Variants in SCRT2 observed in about 807,000 individuals in gnomAD.
SCRT2 encodes the protein scratch family transcriptional repressor 2.
Under a neutral mutation model 3.7 loss-of-function variants are expected in SCRT2, and 2 were observed. The ratio of observed to expected loss-of-function variants is 0.54; its 90% CI spans 0.22 to 1.70. SCRT2 has a LOEUF of 1.70. Ranked by LOEUF, SCRT2 falls within the 40% of genes most tolerant of loss-of-function variation. The pLI, the probability that SCRT2 is intolerant of heterozygous loss-of-function variation, is 0.19. For missense variants in SCRT2, 456 were observed against 468.5 expected, an observed-to-expected ratio of 0.97 and a Z score of 0.25; for synonymous variants, 256 against 220.6, an observed-to-expected ratio of 1.16 and a Z score of -1.42.
Position 662,628 on chromosome 20 carries a change from A to G in SCRT2, c.*1043T>C, listed in dbSNP as rs1414301308. The G allele has an allele frequency of 6.6e-6, 1 of 152,486 alleles. No homozygotes were observed. The highest frequency in any genetic ancestry group is 1.5e-5 in the Non-Finnish European group (1 of 68,062). 9.4% of individuals were successfully genotyped at this position (152,486 alleles called of 1,614,324 possible). On this transcript the variant is annotated 3_prime_UTR_variant, in exon 2 of 2. Coordinates refer to ENST00000246104, the MANE Select transcript of SCRT2 (RefSeq NM_033129.4). ...GGCCAAGAGATTAAATAGAATAATA[A>G]ATAGATAAATAAATAAATACACAAA...
intron 1 of SCRT2, among the ~76,000 whole-genome samples, chr20:673,683 T>C (rs1984418097): frequency 1.3e-5 from 2 of 152,208 alleles, no homozygotes; most frequent in Non-Finnish European, 2.9e-5. Context: ...TTCAAAGCTT[T>C]TTTTTGGACT....
chr20:671,597 G>A (rs1295151019), intron 1 of SCRT2, among the ~76,000 whole-genome samples: 1 of 152,216 alleles, frequency 6.6e-6, no homozygotes, highest in Non-Finnish European at 1.5e-5. Context: ...CATTGGGCCG[G>A]GCTCCCGGGC....
chr20:672,358 G>A (rs945191456), intron 1 of SCRT2, among the ~76,000 whole-genome samples: 2 of 151,776 alleles, frequency 1.3e-5, no homozygotes, highest in Non-Finnish European at 2.9e-5. Flanking sequence ...GAGGCTGAAA[G>A]GGAGTAGGAA....
rs910620160 is a variant in SCRT2, at chr20:666,721, G to T, written c.134-2260C>A. 2.0e-5 allele frequency among the ~76,000 whole-genome samples: 3 copies of T among 152,196 alleles called. No homozygotes were observed. Among genetic ancestry groups the T allele is most frequent in the Non-Finnish European group, 4.4e-5 (3 of 68,032 alleles). ...TAGTGGGCACTTAATAAGTATTTGT[G>T]GAATGAGTGATGATGATTTGCGAGG... On this transcript the variant is annotated intron_variant, in intron 1 of 1. Transcript: ENST00000246104. The surrounding 1 kb of genome is among the most constrained non-coding windows in gnomAD (Gnocchi z 4.4).
At chr20:671,769 T>C (rs544681485) in intron 1 of SCRT2, among the ~76,000 whole-genome samples, 2 of 152,184 alleles carry the variant, frequency 1.3e-5, no homozygotes, top group Non-Finnish European at 2.9e-5. Flanking sequence ...ACTGTGTTAT[T>C]GGATTGGCAT....
chr20:663,447 C>T lies in SCRT2; in HGVS notation c.*224G>A. On this transcript the variant is annotated 3_prime_UTR_variant, in exon 2 of 2. Coordinates refer to ENST00000246104, the MANE Select transcript of SCRT2 (RefSeq NM_033129.4). This position sits in a 1 kb window ranked among gnomAD's most constrained non-coding sequence, Gnocchi z 6.9. Reference sequence around the variant, plus strand: ...AGGGGGGTCAAGGTCCGAGGGATGGCCGGAAAGGATGAAGTGGGTCGGGGG... The same window carrying T: ...AGGGGGGTCAAGGTCCGAGGGATGGTCGGAAAGGATGAAGTGGGTCGGGGG... 2.5e-6 allele frequency: 1 copy of T among 402,670 alleles called. No individual in the cohort carries two copies. Among genetic ancestry groups the T allele is most frequent in the Non-Finnish European group, 4.2e-6 (1 of 236,530 alleles). The allele number at this position is 402,670 out of a possible 1,614,324, so 24.9% of individuals were successfully genotyped here.
In SCRT2 at chr20:665,856, C is replaced by T. The variant is rs1051711838; in HGVS notation, c.134-1395G>A. The stretch of plus-strand genomic sequence containing the variant: ...TAACCACTCCTCCTTCCCTCCTCCC[C>T]TAGCCTCCTTCACTGAAGTGAGCAG... On this transcript the variant is annotated intron_variant, in intron 1 of 1. Transcript: ENST00000246104. The surrounding 1 kb of genome is among the most constrained non-coding windows in gnomAD (Gnocchi z 5.0). Among the ~76,000 whole-genome samples the T allele has an allele frequency of 6.6e-5, 10 of 152,202 alleles. No individual in the cohort carries two copies. The highest frequency in any genetic ancestry group is 2.4e-4 in the African/African-American group (10 of 41,450).
At position 662,507 on chromosome 20, in the gene SCRT2, G is replaced by C. The variant is rs1983989855; in HGVS notation, c.*1164C>G. 6.6e-6 allele frequency: 1 copy of C among 152,564 alleles called. No homozygotes were observed. The highest frequency in any genetic ancestry group is 2.4e-5 in the African/African-American group (1 of 41,586). The allele number at this position is 152,564 out of a possible 1,614,324, so 9.5% of individuals were successfully genotyped here. Reference sequence around the variant, plus strand: ...TCTCCCGAGACGCGGGGGTGTGTGTGGTGGGGGCAGCCCTCTGTGGCCTGT... The same window carrying C: ...TCTCCCGAGACGCGGGGGTGTGTGTCGTGGGGGCAGCCCTCTGTGGCCTGT... On this transcript the variant is annotated 3_prime_UTR_variant, in exon 2 of 2. Coordinates refer to ENST00000246104, the MANE Select transcript of SCRT2 (RefSeq NM_033129.4).
chr20:664,414 T>G lies in SCRT2; in HGVS notation c.181A>C (p.Lys61Gln). 1 of 1,359,026 alleles carries G rather than the reference T, an allele frequency of 7.4e-7. No homozygotes were observed. The highest frequency in any genetic ancestry group is 9.6e-7 in the Non-Finnish European group (1 of 1,045,242). 84.2% of individuals were successfully genotyped at this position (1,359,026 alleles called of 1,614,324 possible). A position where few individuals can be genotyped will look rare whatever the true frequency, so the allele number is the denominator to read the frequency against. Residue 61 changes from lysine to glutamine, a missense_variant, in exon 2 of 2, where the codon AAG becomes CAG. By Grantham distance (53) the Lys-to-Gln change is moderately conservative (BLOSUM62 1). This residue lies in a region of SCRT2 where 306 missense variants were observed against 305.3 expected (regional missense o/e 1.00). Transcript: ENST00000246104. The surrounding 1 kb of genome is among the most constrained non-coding windows in gnomAD (Gnocchi z 7.9). The stretch of plus-strand genomic sequence containing the variant: ...GCCGGGGCCAGCTCCAGGCCCGGCT[T>G]CTGGTCCGCATCGTAGCTGCTCGGG... Reference protein sequence around the residue: ...LPPSSYDADQKPGLELAPAEP... With the variant: ...LPPSSYDADQQPGLELAPAEP...
At chr20:673,662 C>G (rs545880555) in intron 1 of SCRT2, among the ~76,000 whole-genome samples, 2 of 152,194 alleles carry the variant, frequency 1.3e-5, no homozygotes, top group Non-Finnish European at 2.9e-5. Context: ...ACTATTCACT[C>G]AGGGGCTCCT....
chr20:674,393 TCTCTCTCACACACACACA>T (rs1309111301), intron 1 of SCRT2, among the ~76,000 whole-genome samples: 1 of 98,556 alleles, frequency 1.0e-5, no homozygotes, highest in African/African-American at 3.6e-5. Context: ...TCTCTCTCTC[TCTCTCTCACACACACACA>T]CACACACACA....
Position 675,665 on chromosome 20 carries a change from C to G in SCRT2, c.-64G>C. On this transcript the variant is annotated 5_prime_UTR_variant, in exon 1 of 2. Transcript: ENST00000246104. This position sits in a 1 kb window ranked among gnomAD's most constrained non-coding sequence, Gnocchi z 6.9. ...GGCCGGGCGCGATCGGCTGTGTCCG[C>G]GCGGGTTTTCAGCACTGGACAGCTC... 1.7e-6 allele frequency: 2 copies of G among 1,190,102 alleles called. No homozygotes were observed. The highest frequency in any genetic ancestry group is 7.7e-5 in the South Asian group (2 of 25,844). The allele number at this position is 1,190,102 out of a possible 1,614,324, so 73.7% of individuals were successfully genotyped here. A position where few individuals can be genotyped will look rare whatever the true frequency, so the allele number is the denominator to read the frequency against.
chr20:670,842 C>T (rs1984309410), intron 1 of SCRT2, among the ~76,000 whole-genome samples: 1 of 152,204 alleles, frequency 6.6e-6, no homozygotes, highest in African/African-American at 2.4e-5. Flanking sequence ...TAGAGGAAAT[C>T]AGGGGTTCCC....
rs981253489 is a variant in SCRT2, at chr20:666,239, G to A, written c.134-1778C>T. Among the ~76,000 whole-genome samples the A allele has an allele frequency of 1.3e-5, 2 of 151,980 alleles. No individual in the cohort carries two copies. Among genetic ancestry groups the A allele is most frequent in the South Asian group, 2.1e-4 (1 of 4,808 alleles). Reference sequence around the variant, plus strand: ...GGGAGAGGAGATGCCCAGCCTCTCCGCACCCTATGTCTCCCGTCCCATCTG... The same window carrying A: ...GGGAGAGGAGATGCCCAGCCTCTCCACACCCTATGTCTCCCGTCCCATCTG... On this transcript the variant is annotated intron_variant, in intron 1 of 1. Coordinates refer to ENST00000246104, the MANE Select transcript of SCRT2 (RefSeq NM_033129.4). The surrounding 1 kb of genome is among the most constrained non-coding windows in gnomAD (Gnocchi z 4.4).
rs1984509551 is a variant in SCRT2 at position 675,575 on chromosome 20, C to G, written c.27G>C (p.Lys9Asn). Reference sequence around the variant, plus strand: ...TGCACTGGAAGCCGTCCCCTTTGATCTTCTTTACCAGGAAGGAGCGCGGCA... The same window carrying G: ...TGCACTGGAAGCCGTCCCCTTTGATGTTCTTTACCAGGAAGGAGCGCGGCA... Reference protein sequence around the residue: MPRSFLVKKIKGDGFQCSG... With the variant: MPRSFLVKNIKGDGFQCSG... The change falls in exon 1 of 2, where the codon AAG (lysine) becomes AAC (asparagine). Residue 9 changes from lysine (K) to asparagine (N), a missense_variant. Lys to Asn is a moderately conservative substitution (Grantham distance 94). Around this residue, in one of 3 missense-constraint regions of SCRT2, gnomAD observed 306 missense variants for 305.3 expected, o/e 1.00. Coordinates refer to ENST00000246104, the MANE Select transcript of SCRT2 (RefSeq NM_033129.4). This position sits in a 1 kb window ranked among gnomAD's most constrained non-coding sequence, Gnocchi z 6.9. 2 of 1,345,206 alleles carry G rather than the reference C, an allele frequency of 1.5e-6. No homozygotes were observed. Among genetic ancestry groups the G allele is most frequent in the Non-Finnish European group, 1.9e-6 (2 of 1,043,206 alleles). 83.3% of individuals were successfully genotyped at this position (1,345,206 alleles called of 1,614,324 possible).
chr20:675,774 G>GCGA lies in SCRT2; in HGVS notation c.-174_-173insTCG, dbSNP rs2122366999. The GCGA allele has an allele frequency of 3.8e-6, 1 of 260,200 alleles. No individual in the cohort carries two copies. Among genetic ancestry groups the GCGA allele is most frequent in the Non-Finnish European group, 6.8e-6 (1 of 146,778 alleles). 16.1% of individuals were successfully genotyped at this position (260,200 alleles called of 1,614,324 possible). ...CTCGGGCTCGGGCTTGGCGGCGGCG[G>GCGA]CGCGCAGACAGGGGATCGCGGGAGC... On this transcript the variant is annotated 5_prime_UTR_variant, in exon 1 of 2. Coordinates refer to ENST00000246104, the MANE Select transcript of SCRT2 (RefSeq NM_033129.4). The surrounding 1 kb of genome is among the most constrained non-coding windows in gnomAD (Gnocchi z 6.9).
chr20:673,748 T>G (rs1984419499), intron 1 of SCRT2, among the ~76,000 whole-genome samples: 1 of 152,220 alleles, frequency 6.6e-6, no homozygotes, highest in East Asian at 1.9e-4. Context: ...CCTGCAGTTT[T>G]GGCTGTGCAT....
chr20:674,397 T>TCACA (rs1191501852), intron 1 of SCRT2, among the ~76,000 whole-genome samples: 37 of 96,160 alleles, frequency 3.8e-4, no homozygotes, highest in African/African-American at 8.3e-4. Context: ...TCTCTCTCTC[T>TCACA]CTCACACACA....
intron 1 of SCRT2, among the ~76,000 whole-genome samples, chr20:670,252 C>A (rs1266385875): frequency 6.6e-6 from 1 of 152,172 alleles, no homozygotes; most frequent in Non-Finnish European, 1.5e-5. Context: ...CTCCAGTGGG[C>A]CCTTTCTGGG....
Sources: gnomAD v4.1 joint callset for allele counts (sites outside exome capture counted in the v4.1 genomes callset) on GRCh38, gnomAD v4.1.1 for gene constraint, gnomAD v4.1.1 regional missense constraint, Gnocchi (gnomAD v3.1) non-coding constraint, MANE v1.5 for transcripts, NCBI Gene and HGNC (gene_info 2026-07-23, HGNC 2026-07-21) for gene names.